The following DDX42 variants were observed in gnomAD, a reference collection of about 807,000 sequenced individuals.
DDX42 encodes the protein ATP-dependent RNA helicase DDX42.
A neutral mutation model predicts 101.5 loss-of-function variants in DDX42; 22 were observed. That is an observed-to-expected ratio of 0.22 (90% CI 0.15 to 0.31). The LOEUF (loss-of-function observed/expected upper bound fraction) is 0.31. Among genes scored for constraint, DDX42 ranks in the 10% least tolerant of loss-of-function variants. DDX42 has a pLI of 1.00. For synonymous variants in DDX42, 402 were observed against 401.2 expected, an observed-to-expected ratio of 1.00 and a Z score of -0.02; for missense variants, 849 against 1,199.9, an observed-to-expected ratio of 0.71 and a Z score of 4.32.
intron 1 of DDX42, chr17:63,775,327 C>T (rs1466613998): frequency 1.3e-5 from 2 of 152,256 alleles, no homozygotes; most frequent in African/African-American, 2.4e-5. Flanking sequence ...TGCCTATTCT[C>T]TAGCGCCGTT....
intron 11 of DDX42, 100 bp downstream of exon 11, chr17:63,809,759 A>T: frequency 1.1e-6 from 1 of 905,150 alleles, no homozygotes; most frequent in East Asian, 2.4e-5. Context: ...AGAAGCTAAA[A>T]ATACTCCTGG....
chr17:63,790,560 A>G (rs936782715), intron 2 of DDX42, among the ~76,000 whole-genome samples: 4 of 152,212 alleles, frequency 2.6e-5, no homozygotes, highest in Non-Finnish European at 5.9e-5. Flanking sequence ...CAGGAGTTAG[A>G]GACCAGCCTG....
intron 12 of DDX42, among the ~76,000 whole-genome samples, chr17:63,810,764 G>T (rs965437118): frequency 2.6e-5 from 4 of 152,114 alleles, no homozygotes; most frequent in African/African-American, 7.2e-5. Context: ...ATAAAACCAA[G>T]GATCAGAAAT....
chr17:63,778,328 C>T (rs1233300456), intron 1 of DDX42, among the ~76,000 whole-genome samples: 1 of 152,188 alleles, frequency 6.6e-6, no homozygotes. Context: ...TCCAATAAAA[C>T]AGACATTCTT....
chr17:63,808,062 A>C (rs990609167), intron 9 of DDX42, among the ~76,000 whole-genome samples, 162 bp downstream of exon 9: 1 of 152,248 alleles, frequency 6.6e-6, no homozygotes, highest in Non-Finnish European at 1.5e-5. Flanking sequence ...CAGTGGCATT[A>C]AGTATATTCA....
At position 63,815,547 on chromosome 17, in the gene DDX42, AT is replaced by A. The variant is rs1440962422; in HGVS notation, c.1903-12del. On this transcript the variant is annotated splice_polypyrimidine_tract_variant and intron_variant, in intron 15 of 17. Coordinates refer to ENST00000389924, the MANE Select transcript of DDX42 (RefSeq NM_203499.3). ...TCTCCCTCCCTTGACTTAACCTTGAATTTTGTTCAATGCAGAATGCCTGGTT... is the reference window on the plus strand; with the variant it reads ...TCTCCCTCCCTTGACTTAACCTTGAATTTGTTCAATGCAGAATGCCTGGTT... The A allele has an allele frequency of 1.3e-6, 2 of 1,594,866 alleles. No homozygotes were observed. The highest frequency in any genetic ancestry group is 1.7e-6 in the Non-Finnish European group (2 of 1,163,662).
intron 6 of DDX42, among the ~76,000 whole-genome samples, chr17:63,801,140 C>T (rs1258789558): frequency 6.6e-6 from 1 of 151,978 alleles, no homozygotes; most frequent in Non-Finnish European, 1.5e-5. Flanking sequence ...ACGCTGACTC[C>T]TGGGTTCAAG....
intron 1 of DDX42, among the ~76,000 whole-genome samples, chr17:63,786,476 G>C (rs2039548536): frequency 6.6e-6 from 1 of 152,180 alleles, no homozygotes; most frequent in South Asian, 2.1e-4. Context: ...CCAGGCTTGA[G>C]TGCAGTGGCG....
Position 63,816,919 on chromosome 17 carries a change from A to C in DDX42, c.2065A>C (p.Thr689Pro), listed in dbSNP as rs376711439. The change falls in exon 17 of 18, where the codon ACA (threonine) becomes CCA (proline). Residue 689 changes from threonine to proline, a missense_variant. Transcript: ENST00000389924. ...CAATTATGAGGCCTACAAGCCTTCCACAGGAGCTATGGGAGATCGACTAAC... is the reference window on the plus strand; with the variant it reads ...CAATTATGAGGCCTACAAGCCTTCCCCAGGAGCTATGGGAGATCGACTAAC... ...MSNYEAYKPS[T>P]GAMGDRLTAM... 3.1e-6 allele frequency: 5 copies of C among 1,613,976 alleles called. No individual in the cohort carries two copies. In the African/African-American group the frequency reaches 6.7e-5, roughly 22 times the overall value.
intron 1 of DDX42, among the ~76,000 whole-genome samples, chr17:63,782,414 T>TA (rs1185090325): frequency 1.3e-5 from 2 of 151,350 alleles, no homozygotes; most frequent in Non-Finnish European, 3.0e-5. Context: ...TCTCTGCAGT[T>TA]ACTGCCCCTG....
chr17:63,798,479 A>G (rs1435465421), intron 4 of DDX42, among the ~76,000 whole-genome samples: 5 of 152,246 alleles, frequency 3.3e-5, no homozygotes, highest in Admixed American at 2.0e-4. Context: ...AGTAATGGCA[A>G]CTGTATCATG....
chr17:63,797,501 G>C (rs930526172), intron 3 of DDX42, among the ~76,000 whole-genome samples: 1 of 145,870 alleles, frequency 6.9e-6, no homozygotes, highest in Non-Finnish European at 1.5e-5. Context: ...ATAATTATTT[G>C]TTGTGGGGCT....
Position 63,774,236 on chromosome 17 carries a change from G to T in DDX42, c.-157G>T. On this transcript the variant is annotated 5_prime_UTR_variant, in exon 1 of 18. Coordinates refer to ENST00000389924, the MANE Select transcript of DDX42 (RefSeq NM_203499.3). ...GGTGGTGGCGGTGGCGGCGGCGGTG[G>T]TGGTGGTGGCGGCGGCGGCGGCGAA... 5.0e-6 allele frequency: 1 copy of T among 200,620 alleles called. No individual in the cohort carries two copies. The highest frequency in any genetic ancestry group is 8.1e-6 in the Non-Finnish European group (1 of 122,912). The allele number at this position is 200,620 out of a possible 1,614,324, so 12.4% of individuals were successfully genotyped here. A position where few individuals can be genotyped will look rare whatever the true frequency, so the allele number is the denominator to read the frequency against.
chr17:63,813,558 C>A, intron 15 of DDX42, 104 bp downstream of exon 15: 1 of 1,033,628 alleles, frequency 9.7e-7, no homozygotes, highest in Non-Finnish European at 1.4e-6. Context: ...AGTTGGGTGG[C>A]TAGGAGGATG....
intron 6 of DDX42, among the ~76,000 whole-genome samples, chr17:63,802,577 G>A (rs977085389): frequency 6.6e-6 from 1 of 152,158 alleles, no homozygotes; most frequent in Non-Finnish European, 1.5e-5. Context: ...AGATAAGCCT[G>A]GGCAACTTGG....
intron 3 of DDX42, among the ~76,000 whole-genome samples, chr17:63,794,813 G>A (rs189839003): frequency 4.0e-5 from 6 of 151,316 alleles, no homozygotes; most frequent in Admixed American, 3.3e-4. Flanking sequence ...GTGCATGCCT[G>A]TAATTCCTGC....
At chr17:63,790,289 C>T (rs921525831) in intron 2 of DDX42, among the ~76,000 whole-genome samples, 1 of 152,102 alleles carries the variant, frequency 6.6e-6, no homozygotes, top group African/African-American at 2.4e-5. Context: ...CATTAGTATA[C>T]ATAACAGTTA....
chr17:63,790,155 CA>C (rs1347952248), intron 2 of DDX42, among the ~76,000 whole-genome samples: 1 of 151,910 alleles, frequency 6.6e-6, no homozygotes, highest in Non-Finnish European at 1.5e-5. Flanking sequence ...TCTAAAAAAA[CA>C]AACAAAAAAC....
Position 63,817,792 on chromosome 17 carries a change from G to A in DDX42, c.2211G>A (p.Leu737=), listed in dbSNP as rs1198969115. ...GTGGGTGGACTAGTGCAGGGAGCTT[G>A]AATTCTGTTCCAACTAACTCAGCAC... ...GASGWTSAGS[L]NSVPTNSAQQ... The change falls in exon 18 of 18, where the codon TTG becomes TTA. Residue 737 remains leucine (L), a synonymous_variant. Coordinates refer to ENST00000389924, the MANE Select transcript of DDX42 (RefSeq NM_203499.3). 7 of 1,614,118 alleles carry A rather than the reference G, an allele frequency of 4.3e-6. No individual in the cohort carries two copies. In the African/African-American group the frequency reaches 9.3e-5, roughly 22 times the overall value.
Sources: gnomAD v4.1 joint callset for allele counts (sites outside exome capture counted in the v4.1 genomes callset) on GRCh38, gnomAD v4.1.1 for gene constraint, MANE v1.5 for transcripts, NCBI Gene and HGNC (gene_info 2026-07-23, HGNC 2026-07-21) for gene names.